OGFR: variants seen among roughly 807,000 people sequenced by gnomAD.
OGFR encodes the protein opioid growth factor receptor.
In OGFR, 18 loss-of-function variants were observed where a neutral mutation model predicts 33.6. The observed-to-expected ratio is 0.54, with a 90% confidence interval of 0.37 to 0.80. OGFR has a LOEUF of 0.80. OGFR is among the 30% of genes least tolerant of loss of function. OGFR has a pLI of 0.00. For synonymous variants in OGFR, 370 were observed against 400.7 expected (o/e 0.92, Z 0.91); for missense variants, 877 against 955.8 (o/e 0.92, Z 1.09).
At chr20:62,808,103 C>T (rs557723243) in intron 2 of OGFR, 144 bp from the exon 3 acceptor site, 34 of 747,114 alleles carry the variant, frequency 4.6e-5, no homozygotes, top group Non-Finnish European at 7.6e-5. Context: ...ATGGCCCCCA[C>T]CTGCAGAGTG....
At position 62,812,713 on chromosome 20, in the gene OGFR, AG is replaced by A; in HGVS notation, c.1103del (p.Gly368AlafsTer10). 1 of 1,589,320 alleles carries A rather than the reference AG, an allele frequency of 6.3e-7. No homozygotes were observed. Among genetic ancestry groups the A allele is most frequent in the Non-Finnish European group, 8.6e-7 (1 of 1,168,320 alleles). On this transcript the variant is annotated frameshift_variant, in exon 7 of 7. Transcript: ENST00000290291. LOFTEE classifies it low-confidence loss of function (END_TRUNC). ...TGGAGAGGAGCCAGGGGGATGAGGC[AG>A]GGGGCCACGGGGAAGATAGGCCGGA... Reference protein sequence around the residue: ...PLERSQGDEAGGHGEDRPEPL... With the variant: ...PLERSQGDEAXGHGEDRPEPL...
chr20:62,812,554 A>AG lies in OGFR; in HGVS notation c.941dup (p.Ser315LysfsTer21). ...AGGGCTCCAGGAAGGTGGAGGAGGAAGGAAGCCCCGGGGACCCCGACCACG... is the reference window on the plus strand; with the variant it reads ...AGGGCTCCAGGAAGGTGGAGGAGGAAGGGAAGCCCCGGGGACCCCGACCACG... On this transcript the variant is annotated frameshift_variant, in exon 7 of 7. Transcript: ENST00000290291. LOFTEE classifies it low-confidence loss of function (END_TRUNC). 6.3e-7 allele frequency: 1 copy of AG among 1,584,236 alleles called. No individual in the cohort carries two copies. Among genetic ancestry groups the AG allele is most frequent in the Non-Finnish European group, 8.6e-7 (1 of 1,165,740 alleles).
At position 62,813,629 on chromosome 20, in the gene OGFR, G is replaced by C. The variant is rs1990803391; in HGVS notation, c.2014G>C (p.Ala672Pro). 3.1e-6 allele frequency: 5 copies of C among 1,612,538 alleles called. No homozygotes were observed. In the East Asian group the frequency reaches 1.1e-4, roughly 36 times the overall value. The change falls in exon 7 of 7, where the codon GCC (alanine) becomes CCC (proline). Residue 672 changes from alanine to proline, a missense_variant. Ala to Pro is a conservative substitution (Grantham distance 27, BLOSUM62 -1). Transcript: ENST00000290291. ...ELQDAEVESS[A>P]KSGKP Reference sequence around the variant, plus strand: ...GCAGGACGCAGAGGTGGAGTCTTCTGCCAAGTCTGGGAAGCCTTAAGGAAA... The same window carrying C: ...GCAGGACGCAGAGGTGGAGTCTTCTCCCAAGTCTGGGAAGCCTTAAGGAAA...
rs750258116 is a variant in OGFR, at chr20:62,812,642, G to A, written c.1027G>A (p.Glu343Lys). ...EHSKGGGRVD[E>K]GPQPRSVEPQ... ...TAGCAAGGGTGGGGGCAGGGTGGAC[G>A]AGGGGCCCCAGCCACGGAGCGTGGA... is the stretch of plus-strand genomic sequence containing the variant. Residue 343 changes from glutamate (E) to lysine (K), a missense_variant, in exon 7 of 7, where the codon GAG becomes AAG. By Grantham distance (56) the Glu-to-Lys change is moderately conservative. Around this residue, in one of 3 missense-constraint regions of OGFR, gnomAD observed 760 missense variants for 736.0 expected, o/e 1.03. Transcript: ENST00000290291. The A allele has an allele frequency of 7.7e-6, 12 of 1,560,392 alleles. No homozygotes were observed. Among genetic ancestry groups the A allele is most frequent in the South Asian group, 1.2e-5 (1 of 85,344 alleles).
At position 62,812,517 on chromosome 20, in the gene OGFR, C is replaced by CG; in HGVS notation, c.902_903insG (p.His302ProfsTer34). ...CGGAGGTTCAAGCCCAGCTCTCTGC[C>CG]CCATCCGCTCGAGGGCTCCAGGAAG... On this transcript the variant is annotated frameshift_variant, in exon 7 of 7. Transcript: ENST00000290291. LOFTEE classifies it low-confidence loss of function (END_TRUNC). 6.3e-7 allele frequency: 1 copy of CG among 1,585,324 alleles called. No homozygotes were observed. The highest frequency in any genetic ancestry group is 2.3e-5 in the East Asian group (1 of 43,436).
rs879211759 is a variant in OGFR, at chr20:62,813,813, C to T, written c.*164C>T. Reference sequence around the variant, plus strand: ...CCACTATAGCAGCCACCAGAAGCCGCGAGGCCCTCAGGGAAGCCCAAGGCC... The same window carrying T: ...CCACTATAGCAGCCACCAGAAGCCGTGAGGCCCTCAGGGAAGCCCAAGGCC... On this transcript the variant is annotated 3_prime_UTR_variant, in exon 7 of 7. Coordinates refer to ENST00000290291, the MANE Select transcript of OGFR (RefSeq NM_007346.4). The T allele has an allele frequency of 6.6e-5, 53 of 807,204 alleles. No individual in the cohort carries two copies. The highest frequency in any genetic ancestry group is 3.1e-4 in the Admixed American group (12 of 38,574). The allele number at this position is 807,204 out of a possible 1,614,324, so 50.0% of individuals were successfully genotyped here.
intron 1 of OGFR, 105 bp downstream of exon 1, chr20:62,805,135 T>A: frequency 2.2e-6 from 2 of 897,612 alleles, no homozygotes; most frequent in Non-Finnish European, 2.9e-6. Context: ...TGGAGCCTCC[T>A]GGAGCTCCCG....
At chr20:62,811,700 C>T (rs541837306) in intron 6 of OGFR, 90 bp downstream of exon 6, 16 of 1,381,614 alleles carry the variant, frequency 1.2e-5, no homozygotes, top group South Asian at 5.8e-5. Flanking sequence ...CTGCTGCAGA[C>T]GGAGAACTCC....
intron 4 of OGFR, among the ~76,000 whole-genome samples, 181 bp downstream of exon 4, chr20:62,809,844 A>G (rs1025961249): frequency 6.6e-6 from 1 of 152,208 alleles, no homozygotes; most frequent in African/African-American, 2.4e-5. Context: ...CGCTGAGGGA[A>G]GGCTCAGGTC....
chr20:62,805,159 C>CG (rs1258544594), intron 1 of OGFR, 129 bp downstream of exon 1: 27 of 647,732 alleles, frequency 4.2e-5, no homozygotes, highest in Non-Finnish European at 5.3e-5. Flanking sequence ...CCCCGGGGAC[C>CG]CCCCCCCAGA....
Position 62,807,425 on chromosome 20 carries a change from C to T in OGFR, c.172-112C>T, listed in dbSNP as rs1336693372. ...AGAGGGAGGAGCCATGAAACCCCCG[C>T]CCTTTAAAGACAGCTCTGTGGCAGC... is the stretch of plus-strand genomic sequence containing the variant. On this transcript the variant is annotated intron_variant, in intron 1 of 6. Transcript: ENST00000290291. 26 of 882,488 alleles carry T rather than the reference C, an allele frequency of 2.9e-5. No individual in the cohort carries two copies. The South Asian group carries it at 3.7e-4, about 13-fold the overall frequency. 54.7% of individuals were successfully genotyped at this position (882,488 alleles called of 1,614,324 possible). A position where few individuals can be genotyped will look rare whatever the true frequency, so the allele number is the denominator to read the frequency against.
chr20:62,812,627 G>C lies in OGFR; in HGVS notation c.1012G>C (p.Gly338Arg), dbSNP rs1465917373. The C allele has an allele frequency of 3.8e-6, 6 of 1,561,696 alleles. No individual in the cohort carries two copies. The highest frequency in any genetic ancestry group is 1.7e-6 in the Non-Finnish European group (2 of 1,153,980). Residue 338 changes from glycine (G) to arginine (R), a missense_variant, in exon 7 of 7, where the codon GGG becomes CGG. Transcript: ENST00000290291. The part of the protein sequence containing the change: ...RTCGPEHSKG[G>R]GRVDEGPQPR... ...CTGTGGGCCAGAGCATAGCAAGGGT[G>C]GGGGCAGGGTGGACGAGGGGCCCCA... is the stretch of plus-strand genomic sequence containing the variant.
intron 3 of OGFR, among the ~76,000 whole-genome samples, 163 bp from the exon 4 acceptor site, chr20:62,809,422 C>A (rs1216840532): frequency 6.6e-6 from 1 of 152,196 alleles, no homozygotes; most frequent in East Asian, 1.9e-4. Context: ...ATGGGCAGCC[C>A]CACTGAGCCT....
chr20:62,806,789 G>GGT (rs1990602944), intron 1 of OGFR: 1 of 152,302 alleles, frequency 6.6e-6, no homozygotes, highest in African/African-American at 2.4e-5. Flanking sequence ...CTCATCACAA[G>GGT]GTCAGGGCTG....
In OGFR at chr20:62,812,462, A is replaced by C. The variant is rs748335589; in HGVS notation, c.847A>C (p.Lys283Gln). The change falls in exon 7 of 7, where the codon AAG becomes CAG. Residue 283 changes from lysine to glutamine, a missense_variant. Transcript: ENST00000290291. ...CTGGGAGCACTTCCGGCCCCGCTGC[A>C]AGTTCGTCTGGGGGCCCCAAGACAA... is the stretch of plus-strand genomic sequence containing the variant. ...FAWEHFRPRC[K>Q]FVWGPQDKLR... 1.9e-6 allele frequency: 3 copies of C among 1,580,152 alleles called. No individual in the cohort carries two copies. Among genetic ancestry groups the C allele is most frequent in the Non-Finnish European group, 2.6e-6 (3 of 1,163,408 alleles).
intron 1 of OGFR, 125 bp from the exon 2 acceptor site, chr20:62,807,412 C>T (rs1990619894): frequency 2.6e-6 from 2 of 778,088 alleles, no homozygotes; most frequent in African/African-American, 3.5e-5. Context: ...AGGGAGGAGC[C>T]ATGAAACCCC....
At chr20:62,811,921 C>T (rs954504078) in intron 6 of OGFR, among the ~76,000 whole-genome samples, 1 of 152,178 alleles carries the variant, frequency 6.6e-6, no homozygotes, top group Admixed American at 6.5e-5. Context: ...GCGCCTGTAC[C>T]CTGCAGGGGC....
intron 2 of OGFR, chr20:62,807,869 G>T: frequency 1.7e-6 from 1 of 600,470 alleles, no homozygotes; most frequent in Admixed American, 2.9e-5. Context: ...CCAGCCTCGT[G>T]ATGCACACGT....
intron 1 of OGFR, chr20:62,806,703 C>T (rs997256913): frequency 6.6e-6 from 1 of 152,308 alleles, no homozygotes; most frequent in Non-Finnish European, 1.5e-5. Context: ...GATCCTGGGT[C>T]CCAATTGTTG....
Sources: gnomAD v4.1 joint callset for allele counts (sites outside exome capture counted in the v4.1 genomes callset) on GRCh38, gnomAD v4.1.1 for gene constraint, gnomAD v4.1.1 regional missense constraint, MANE v1.5 for transcripts, NCBI Gene and HGNC (gene_info 2026-07-23, HGNC 2026-07-21) for gene names.